The following TNIK variants were observed in gnomAD, a reference collection of about 807,000 sequenced individuals.
The protein encoded by TNIK is TRAF2 and NCK interacting kinase.
In TNIK, 49 loss-of-function variants were observed where a neutral mutation model predicts 191.3. That is an observed-to-expected ratio of 0.26 (90% confidence interval 0.20 to 0.32). The LOEUF (loss-of-function observed/expected upper bound fraction) is 0.32, where lower values mean the gene tolerates loss of function less well. Among genes scored for constraint, TNIK ranks in the 10% least tolerant of loss-of-function variants. TNIK has a pLI of 1.00. For missense variants in TNIK, 1,155 were observed against 1,702.3 expected, an observed-to-expected ratio of 0.68 and a Z score of 5.66; for synonymous variants, 594 against 600.9, an observed-to-expected ratio of 0.99 and a Z score of 0.17.
intron 1 of TNIK, among the ~76,000 whole-genome samples, chr3:171,439,148 T>A (rs1006236423): frequency 6.6e-6 from 1 of 151,904 alleles, no homozygotes; most frequent in African/African-American, 2.4e-5. Flanking sequence ...ATCGAAACCA[T>A]CCTGGCTAAC....
intron 2 of TNIK, among the ~76,000 whole-genome samples, chr3:171,293,290 T>A (rs7615681): frequency 6.6e-6 from 1 of 151,940 alleles, no homozygotes; most frequent in Admixed American, 6.6e-5. Context: ...CTCATTTTAC[T>A]CCACGCCTAC....
At chr3:171,194,417 A>G (rs9852254) in intron 5 of TNIK, 108 bp downstream of exon 5, 13,364 of 958,038 alleles carry the variant, frequency 0.014, 183 homozygotes, top group African/African-American at 0.041. Context: ...GGTTTTTGAT[A>G]TGCTTATGAA....
chr3:171,106,077 T>C (rs1184011556), intron 21 of TNIK, among the ~76,000 whole-genome samples: 1 of 152,212 alleles, frequency 6.6e-6, no homozygotes, highest in Admixed American at 6.5e-5. Context: ...CTCGTCACTC[T>C]GGGTGGTGAG....
chr3:171,389,609 A>C (rs1398030990), intron 1 of TNIK, among the ~76,000 whole-genome samples: 5 of 152,204 alleles, frequency 3.3e-5, no homozygotes, highest in Non-Finnish European at 7.3e-5. Context: ...GGATCTATGA[A>C]TCATTTAACG....
chr3:171,333,808 C>T (rs1756667222), intron 2 of TNIK, among the ~76,000 whole-genome samples: 1 of 152,198 alleles, frequency 6.6e-6, no homozygotes, highest in African/African-American at 2.4e-5. Context: ...CTTTCCCCAT[C>T]GTGCTCAGCA....
At chr3:171,317,344 G>A (rs1473042287) in intron 2 of TNIK, among the ~76,000 whole-genome samples, 1 of 152,128 alleles carries the variant, frequency 6.6e-6, no homozygotes, top group African/African-American at 2.4e-5. Context: ...CAGGCATCTG[G>A]ATAGCAGCCA....
chr3:171,075,409 A>G (rs1294272411), intron 28 of TNIK, among the ~76,000 whole-genome samples: 1 of 152,246 alleles, frequency 6.6e-6, no homozygotes, highest in Admixed American at 6.5e-5. Context: ...ACTTTGCCAA[A>G]TTATCAGATT....
chr3:171,217,807 T>G (rs554522804), intron 3 of TNIK, among the ~76,000 whole-genome samples: 6 of 152,126 alleles, frequency 3.9e-5, no homozygotes, highest in Admixed American at 2.0e-4. Context: ...AAGCTGAGTT[T>G]TTAAGGCTAG....
At chr3:171,365,192 TTTTTTTTG>T in intron 2 of TNIK, among the ~76,000 whole-genome samples, 3 of 96,456 alleles carry the variant, frequency 3.1e-5, no homozygotes, top group Admixed American at 1.1e-4. Flanking sequence ...TTTTTTTTTT[TTTTTTTTG>T]AGACAGAGTT....
intron 1 of TNIK, among the ~76,000 whole-genome samples, chr3:171,444,546 G>T (rs1727233398): frequency 6.6e-6 from 1 of 150,810 alleles, no homozygotes; most frequent in Non-Finnish European, 1.5e-5. Flanking sequence ...AAGGGAGTGG[G>T]GCTTTTCTGC....
In TNIK at chr3:171,114,014, AAAAGC is replaced by A. The variant is rs879645402; in HGVS notation, c.2121-3142_2121-3138del. Among the ~76,000 whole-genome samples the A allele has an allele frequency of 9.8e-3, 1,487 of 151,858 alleles. 9 individuals carry two copies. The highest frequency in any genetic ancestry group is 0.014 in the Non-Finnish European group (965 of 67,936). ...CGATTTTGTTAAAAAAAAAAAAAAAAAAAGCAGCATTCTCAAGGCTTCTATAAAGC... is the reference window on the plus strand; with the variant it reads ...CGATTTTGTTAAAAAAAAAAAAAAAAAGCATTCTCAAGGCTTCTATAAAGC... On this transcript the variant is annotated intron_variant, in intron 18 of 32. Transcript: ENST00000436636.
At chr3:171,390,432 C>T (rs779746769) in intron 1 of TNIK, among the ~76,000 whole-genome samples, 6 of 152,198 alleles carry the variant, frequency 3.9e-5, no homozygotes, top group Non-Finnish European at 8.8e-5. Flanking sequence ...TAACCACCTT[C>T]GATCTCTTTT....
chr3:171,194,408 G>C, intron 5 of TNIK, 117 bp downstream of exon 5: 1 of 912,664 alleles, frequency 1.1e-6, no homozygotes, highest in Non-Finnish European at 1.7e-6. Flanking sequence ...CTTTTAAAGG[G>C]TTTTTGATAT....
At chr3:171,106,841 C>A in intron 21 of TNIK, 1 of 520,148 alleles carries the variant, frequency 1.9e-6, no homozygotes. Flanking sequence ...AGTAAAACTG[C>A]TGAGAGCCAT....
chr3:171,426,862 C>T (rs79751608), intron 1 of TNIK, among the ~76,000 whole-genome samples: 7,461 of 152,096 alleles, frequency 0.049, 625 homozygotes, highest in African/African-American at 0.17. Flanking sequence ...CAATGAAGAG[C>T]GAGATTCAGG....
At chr3:171,291,947 C>A (rs1751727207) in intron 2 of TNIK, among the ~76,000 whole-genome samples, 1 of 152,128 alleles carries the variant, frequency 6.6e-6, no homozygotes. Context: ...ATCAAGGATC[C>A]TTTCTACTCA....
intron 4 of TNIK, among the ~76,000 whole-genome samples, chr3:171,206,853 T>C (rs1425189979): frequency 6.6e-6 from 1 of 152,066 alleles, no homozygotes; most frequent in Non-Finnish European, 1.5e-5. Flanking sequence ...GATTCGTAAA[T>C]AAACACCCCA....
At chr3:171,109,163 TTTTC>T (rs1260155758) in intron 19 of TNIK, among the ~76,000 whole-genome samples, 2 of 152,140 alleles carry the variant, frequency 1.3e-5, no homozygotes, top group African/African-American at 2.4e-5. Context: ...AGAATGGCTG[TTTTC>T]TTTCTTTAGG....
chr3:171,317,985 A>C (rs1218957093), intron 2 of TNIK, among the ~76,000 whole-genome samples: 1 of 152,188 alleles, frequency 6.6e-6, no homozygotes, highest in Non-Finnish European at 1.5e-5. Context: ...TTACTACTAT[A>C]GTGCTTGACA....
Sources: gnomAD v4.1 joint callset for allele counts (sites outside exome capture counted in the v4.1 genomes callset) on GRCh38, gnomAD v4.1.1 for gene constraint, MANE v1.5 for transcripts, NCBI Gene and HGNC (gene_info 2026-07-23, HGNC 2026-07-21) for gene names.